ADAM12: variants seen among roughly 807,000 people sequenced by gnomAD.
ADAM12 encodes ADAM metallopeptidase domain 12.
A neutral mutation model predicts 106.4 loss-of-function variants in ADAM12; 70 were observed. The ratio of observed to expected loss-of-function variants is 0.66; its 90% CI spans 0.54 to 0.80. The LOEUF (loss-of-function observed/expected upper bound fraction) is 0.80, where lower values mean the gene tolerates loss of function less well. ADAM12 is among the 30% of genes least tolerant of loss of function. ADAM12 has a pLI of 0.00. For missense variants in ADAM12, 1,010 were observed against 1,171.9 expected (o/e 0.86, Z 2.02); for synonymous variants, 420 against 433.5 (o/e 0.97, Z 0.39).
chr10:126,085,776 C>A (rs1189850266), intron 11 of ADAM12, among the ~76,000 whole-genome samples: 1 of 152,226 alleles, frequency 6.6e-6, no homozygotes, highest in African/African-American at 2.4e-5. Context: ...CATCCAGCCA[C>A]CCGCTCATGG....
chr10:126,287,985 G>A (rs1029008104), intron 2 of ADAM12, among the ~76,000 whole-genome samples: 1 of 151,782 alleles, frequency 6.6e-6, no homozygotes, highest in Non-Finnish European at 1.5e-5. Flanking sequence ...GTACAGGCAG[G>A]AGGAGTCGGG....
chr10:126,300,674 C>T (rs1419898377), intron 2 of ADAM12, among the ~76,000 whole-genome samples: 1 of 152,116 alleles, frequency 6.6e-6, no homozygotes, highest in East Asian at 1.9e-4. Context: ...CATATGACCT[C>T]ACTTTTCTTT....
rs556394885 is a variant in ADAM12 at position 126,167,816 on chromosome 10, G to A, written c.261-12511C>T. Among the ~76,000 whole-genome samples, 15 of 152,298 alleles carry A rather than the reference G, an allele frequency of 9.8e-5. No individual in the cohort carries two copies. The South Asian group carries it at 2.7e-3, about 27-fold the overall frequency. On this transcript the variant is annotated intron_variant, in intron 3 of 22. Transcript: ENST00000448723. ...CATGGTCTATGATGTGGGAGGACAC[G>A]TGACAACTGGTGAGTCTTTAAATCT...
At chr10:126,248,665 GTATGTATGTATGTATGTATGTATT>G (rs1358872758) in intron 3 of ADAM12, among the ~76,000 whole-genome samples, 13 of 68,476 alleles carry the variant, frequency 1.9e-4, no homozygotes, top group African/African-American at 2.5e-4. Context: ...ATGTATGTAT[GTATGTATGTATGTATGTATGTATT>G]TATTTATTTA....
intron 2 of ADAM12, among the ~76,000 whole-genome samples, chr10:126,316,040 G>A (rs949555237): frequency 3.9e-5 from 6 of 152,288 alleles, no homozygotes; most frequent in South Asian, 2.1e-4. Context: ...ATATGCCCCC[G>A]TGGTCTTGTT....
chr10:126,249,382 A>G (rs566556079), intron 3 of ADAM12, among the ~76,000 whole-genome samples: 7 of 152,282 alleles, frequency 4.6e-5, no homozygotes, highest in South Asian at 4.1e-4. Context: ...CAGACGCCTT[A>G]CAAATTAGCC....
At chr10:126,073,483 A>AGATTATTT (rs1955040776) in intron 11 of ADAM12, among the ~76,000 whole-genome samples, 2 of 152,144 alleles carry the variant, frequency 1.3e-5, no homozygotes. Context: ...TTTGGTGTAC[A>AGATTATTT]GATTATTTCA....
intron 4 of ADAM12, among the ~76,000 whole-genome samples, chr10:126,147,265 G>T (rs1168074365): frequency 3.9e-5 from 6 of 152,128 alleles, no homozygotes; most frequent in Non-Finnish European, 1.5e-5. Flanking sequence ...TTCATTCCGT[G>T]CACCTGGCCT....
At chr10:126,154,219 A>G (rs955166452) in intron 4 of ADAM12, among the ~76,000 whole-genome samples, 2 of 152,220 alleles carry the variant, frequency 1.3e-5, no homozygotes, top group African/African-American at 4.8e-5. Context: ...GCTCAGGAAT[A>G]ACATCCCCTC....
intron 5 of ADAM12, among the ~76,000 whole-genome samples, chr10:126,132,532 C>CT (rs914916867): frequency 7.0e-6 from 1 of 141,902 alleles, no homozygotes; most frequent in Non-Finnish European, 1.5e-5. Context: ...ACACCCCCCC[C>CT]CCCTCAACTA....
intron 16 of ADAM12, among the ~76,000 whole-genome samples, chr10:126,047,101 C>T (rs1312283600): frequency 6.6e-6 from 1 of 152,168 alleles, no homozygotes; most frequent in African/African-American, 2.4e-5. Flanking sequence ...AAGAACTCAG[C>T]CTCATTTCAA....
chr10:126,348,689 C>G (rs887722955), intron 1 of ADAM12, among the ~76,000 whole-genome samples: 2 of 152,184 alleles, frequency 1.3e-5, no homozygotes, highest in African/African-American at 4.8e-5. Context: ...GACTTGCAAA[C>G]TCACAGAGCC....
At chr10:126,030,542 G>A (rs779960402) in intron 21 of ADAM12, among the ~76,000 whole-genome samples, 11 of 152,144 alleles carry the variant, frequency 7.2e-5, no homozygotes, top group Non-Finnish European at 1.5e-4. Flanking sequence ...AAAATATCAG[G>A]CATCTGCTTT....
chr10:126,242,946 A>C (rs1037737568), intron 3 of ADAM12, among the ~76,000 whole-genome samples: 1 of 152,208 alleles, frequency 6.6e-6, no homozygotes, highest in African/African-American at 2.4e-5. Context: ...CCTGAAAGGG[A>C]TATGATCTAG....
chr10:126,033,801 G>T (rs1184894172), intron 21 of ADAM12, among the ~76,000 whole-genome samples: 4 of 152,176 alleles, frequency 2.6e-5, no homozygotes, highest in African/African-American at 4.8e-5. Flanking sequence ...GAGTCCAGAA[G>T]GAAGGGGAAC....
At chr10:126,085,536 TTCTA>T (rs71029283) in intron 11 of ADAM12, among the ~76,000 whole-genome samples, 27,950 of 151,960 alleles carry the variant, frequency 0.18, 3,258 homozygotes, top group South Asian at 0.33. Flanking sequence ...ATCTGTCCAT[TTCTA>T]TCTATCCATT....
At chr10:126,117,090 C>T (rs923858189) in intron 6 of ADAM12, among the ~76,000 whole-genome samples, 3 of 152,156 alleles carry the variant, frequency 2.0e-5, no homozygotes, top group Admixed American at 2.0e-4. Flanking sequence ...ACAGGAAATC[C>T]AGAAATGGAA....
chr10:126,295,544 CACAT>C (rs1279738472), intron 2 of ADAM12, among the ~76,000 whole-genome samples: 3 of 147,484 alleles, frequency 2.0e-5, no homozygotes, highest in African/African-American at 7.8e-5. Context: ...CACACACACA[CACAT>C]ACACACACAC....
chr10:126,262,213 C>T (rs1959016003), intron 3 of ADAM12, among the ~76,000 whole-genome samples: 1 of 151,920 alleles, frequency 6.6e-6, no homozygotes, highest in Non-Finnish European at 1.5e-5. Flanking sequence ...ATTTATGTAT[C>T]TTCATATCAG....
Sources: gnomAD v4.1 joint callset for allele counts (sites outside exome capture counted in the v4.1 genomes callset) on GRCh38, gnomAD v4.1.1 for gene constraint, MANE v1.5 for transcripts, NCBI Gene and HGNC (gene_info 2026-07-23, HGNC 2026-07-21) for gene names.